The following OR1J2 variants were observed in gnomAD, a reference collection of about 807,000 sequenced individuals.
The protein encoded by OR1J2 is olfactory receptor 1J2.
For synonymous variants in OR1J2, 142 were observed against 99.7 expected (o/e 1.42, Z -2.52); for missense variants, 304 against 246.1 (o/e 1.24, Z -1.57).
the OR1J2 span, among the ~76,000 whole-genome samples, chr9:122,534,033 G>C: frequency 2.0e-4 from 31 of 152,202 alleles, no homozygotes; most frequent in African/African-American, 7.5e-4. Flanking sequence ...ATGGGATGCA[G>C]CTTAGGAGGA....
downstream of OR1J2, among the ~76,000 whole-genome samples, chr9:122,514,984 A>G (rs946410871): frequency 6.6e-6 from 1 of 152,190 alleles, no homozygotes; most frequent in East Asian, 1.9e-4. Context: ...TGAACATCGA[A>G]GTTTAGAGAC....
At chr9:122,477,778 T>C in the OR1J2 span, 1 of 1,613,964 alleles carries the variant, frequency 6.2e-7, no homozygotes, top group Non-Finnish European at 8.5e-7. Flanking sequence ...AGAGTCTAGC[T>C]GGATGAGCAG....
the OR1J2 span, among the ~76,000 whole-genome samples, chr9:122,473,455 G>A: frequency 6.6e-6 from 1 of 152,124 alleles, no homozygotes; most frequent in Admixed American, 6.5e-5. Flanking sequence ...TAAGAGGAAG[G>A]GCCATTAGCA....
chr9:122,504,171 A>G, the OR1J2 span, among the ~76,000 whole-genome samples: 213 of 152,268 alleles, frequency 1.4e-3, 2 homozygotes, highest in African/African-American at 4.8e-3. Flanking sequence ...GTGCCTGACA[A>G]TTCTCAGGTT....
At chr9:122,533,161 G>A in the OR1J2 span, among the ~76,000 whole-genome samples, 6 of 152,276 alleles carry the variant, frequency 3.9e-5, no homozygotes, top group South Asian at 1.2e-3. Context: ...GGGAGGTATT[G>A]AGGATAGGAG....
chr9:122,474,670 C>G, the OR1J2 span, among the ~76,000 whole-genome samples: 1 of 152,196 alleles, frequency 6.6e-6, no homozygotes, highest in Admixed American at 6.5e-5. Flanking sequence ...CAAGAAGTTT[C>G]TAAGAGCTCC....
At chr9:122,566,769 G>C in the OR1J2 span, among the ~76,000 whole-genome samples, 1 of 151,984 alleles carries the variant, frequency 6.6e-6, no homozygotes, top group African/African-American at 2.4e-5. Context: ...ATAGGCTAGA[G>C]TCCTAGAAAT....
At chr9:122,451,529 A>G in the OR1J2 span, among the ~76,000 whole-genome samples, 1 of 152,276 alleles carries the variant, frequency 6.6e-6, no homozygotes, top group Admixed American at 6.5e-5. Flanking sequence ...TGAGCTGCAT[A>G]TGTCACTTTT....
the OR1J2 span, chr9:122,526,699 C>G: frequency 2.8e-5 from 46 of 1,614,142 alleles, no homozygotes; most frequent in Non-Finnish European, 3.8e-5. Context: ...CCTCCCAAGA[C>G]AAAAACCATC....
the OR1J2 span, among the ~76,000 whole-genome samples, chr9:122,535,858 G>A: frequency 4.6e-5 from 7 of 152,164 alleles, no homozygotes; most frequent in Non-Finnish European, 1.0e-4. Context: ...AGCAAAGGGA[G>A]ATAGGGGTGG....
the OR1J2 span, among the ~76,000 whole-genome samples, chr9:122,489,530 A>T: frequency 1.3e-5 from 2 of 152,130 alleles, no homozygotes; most frequent in Non-Finnish European, 1.5e-5. Flanking sequence ...GTTTTGCATG[A>T]GGCCCAGTGA....
At chr9:122,479,247 C>T in the OR1J2 span, among the ~76,000 whole-genome samples, 1 of 152,146 alleles carries the variant, frequency 6.6e-6, no homozygotes, top group East Asian at 1.9e-4. Flanking sequence ...GCCATCTCAT[C>T]AATTTCTCCA....
the OR1J2 span, among the ~76,000 whole-genome samples, chr9:122,462,397 C>T: frequency 6.6e-6 from 1 of 152,084 alleles, no homozygotes; most frequent in Non-Finnish European, 1.5e-5. Flanking sequence ...TTAAGTGGAA[C>T]ATTTAGACTA....
the OR1J2 span, among the ~76,000 whole-genome samples, chr9:122,539,428 T>C: frequency 6.6e-6 from 1 of 152,306 alleles, no homozygotes; most frequent in Non-Finnish European, 1.5e-5. Flanking sequence ...CCCATGTCCC[T>C]ACAAAGGACA....
the OR1J2 span, among the ~76,000 whole-genome samples, chr9:122,483,823 CTAAAT>C: frequency 7.2e-5 from 11 of 152,114 alleles, no homozygotes; most frequent in South Asian, 2.3e-3. Context: ...AGGTATTTCT[CTAAAT>C]AAAAAATAAA....
the OR1J2 span, among the ~76,000 whole-genome samples, chr9:122,457,543 AAAG>A: frequency 1.3e-5 from 2 of 152,158 alleles, no homozygotes; most frequent in Non-Finnish European, 2.9e-5. Context: ...GCAAAAAAAA[AAAG>A]TTCTCAAACA....
the OR1J2 span, among the ~76,000 whole-genome samples, chr9:122,470,179 C>T: frequency 1.3e-5 from 2 of 152,174 alleles, no homozygotes; most frequent in Non-Finnish European, 2.9e-5. Context: ...TCATAACAGA[C>T]CTGGAGGTCT....
At chr9:122,461,963 G>GT in the OR1J2 span, among the ~76,000 whole-genome samples, 1 of 152,048 alleles carries the variant, frequency 6.6e-6, no homozygotes, top group African/African-American at 2.4e-5. Flanking sequence ...TAAGTCCATT[G>GT]TTTTTTTGCT....
the OR1J2 span, among the ~76,000 whole-genome samples, chr9:122,498,962 A>G: frequency 6.6e-6 from 1 of 152,214 alleles, no homozygotes; most frequent in African/African-American, 2.4e-5. Flanking sequence ...TGTGCAGTTC[A>G]TCCCACAAGC....
Sources: allele counts gnomAD v4.1 joint callset (sites outside exome capture counted in the v4.1 genomes callset), GRCh38; gene constraint gnomAD v4.1.1; transcripts MANE v1.5; gene names NCBI Gene and HGNC (gene_info 2026-07-23, HGNC 2026-07-21).